The following ZMAT4 variants were observed in gnomAD, a reference collection of about 807,000 sequenced individuals.
ZMAT4 encodes the protein zinc finger matrin-type 4, also known as zinc finger matrin-type protein 4.
In ZMAT4, 17 loss-of-function variants were observed where a neutral mutation model predicts 28.7. The observed-to-expected ratio is 0.59, with a 90% CI of 0.41 to 0.89. The LOEUF is 0.89. Ranked by LOEUF, ZMAT4 falls within the 40% of genes least tolerant of loss-of-function variation. The pLI, the probability that ZMAT4 is intolerant of heterozygous loss-of-function variation, is 0.00. For missense variants in ZMAT4, 240 were observed against 283.8 expected (o/e 0.85, Z 1.11); for synonymous variants, 117 against 109.2 (o/e 1.07, Z -0.44).
intron 3 of ZMAT4, among the ~76,000 whole-genome samples, chr8:40,752,691 G>T (rs1057130543): frequency 1.3e-5 from 2 of 151,928 alleles, no homozygotes; most frequent in Admixed American, 6.6e-5. Context: ...ACCTACTCAG[G>T]TATCCTCCAA....
intron 4 of ZMAT4, among the ~76,000 whole-genome samples, chr8:40,691,611 A>T (rs538780161): frequency 6.6e-6 from 1 of 152,316 alleles, no homozygotes; most frequent in South Asian, 2.1e-4. Context: ...ATTCATAAAT[A>T]CAGAATCCTC....
intron 1 of ZMAT4, chr8:40,884,777 C>G (rs1818400291): frequency 6.6e-6 from 1 of 152,268 alleles, no homozygotes; most frequent in Admixed American, 6.5e-5. Flanking sequence ...CCAAGGTCAG[C>G]AAACCTATGG....
Position 40,881,491 on chromosome 8 carries a change from GAAAGAAA to G in ZMAT4, c.-5+16185_-5+16191del, listed in dbSNP as rs1563263548. The stretch of plus-strand genomic sequence containing the variant: ...AGAAAGAAAGAAAGAAAGAAAGAAA[GAAAGAAA>G]GAGGAAGGAAGGAAGGGGAGAGAGA... On this transcript the variant is annotated intron_variant, in intron 1 of 6. Coordinates refer to ENST00000297737, the MANE Select transcript of ZMAT4 (RefSeq NM_024645.3). 1.4e-4 allele frequency among the ~76,000 whole-genome samples: 19 copies of G among 131,628 alleles called. 1 individual carries two copies. The highest frequency in any genetic ancestry group is 5.5e-4 in the African/African-American group (19 of 34,668). 86.4% of individuals were successfully genotyped at this position (131,628 alleles called of 152,430 possible).
intron 3 of ZMAT4, among the ~76,000 whole-genome samples, chr8:40,732,590 CA>C (rs1811586762): frequency 6.6e-6 from 1 of 152,200 alleles, no homozygotes; most frequent in Admixed American, 6.5e-5. Flanking sequence ...CAAGATGCCA[CA>C]GGGGCAGAGG....
intron 1 of ZMAT4, among the ~76,000 whole-genome samples, chr8:40,847,266 T>G (rs1342613542): frequency 2.0e-5 from 3 of 150,936 alleles, no homozygotes; most frequent in Admixed American, 6.6e-5. Flanking sequence ...GAAAATAGCC[T>G]CTGTAAGTTT....
At chr8:40,762,450 T>A (rs554247065) in intron 3 of ZMAT4, among the ~76,000 whole-genome samples, 1 of 151,138 alleles carries the variant, frequency 6.6e-6, no homozygotes, top group Admixed American at 6.6e-5. Context: ...AAGCCAGGAG[T>A]TCAAGACCAA....
intron 2 of ZMAT4, among the ~76,000 whole-genome samples, chr8:40,773,759 T>A (rs1813481977): frequency 1.3e-5 from 2 of 152,196 alleles, no homozygotes. Context: ...ATCTTGAAGG[T>A]CTTTCACTTT....
chr8:40,635,480 A>G (rs1048914163), intron 5 of ZMAT4, among the ~76,000 whole-genome samples: 11 of 152,270 alleles, frequency 7.2e-5, no homozygotes, highest in African/African-American at 2.2e-4. Context: ...ATACGCAGAT[A>G]CACTCTCACA....
intron 5 of ZMAT4, among the ~76,000 whole-genome samples, chr8:40,588,225 G>C (rs1283392626): frequency 6.6e-6 from 1 of 151,794 alleles, no homozygotes; most frequent in African/African-American, 2.4e-5. Flanking sequence ...ATTAGAACAG[G>C]CACAGATTTC....
Position 40,604,645 on chromosome 8 carries a change from C to T in ZMAT4, c.578-23384G>A, listed in dbSNP as rs151317283. ...GCTGGTATTTTTTTGAGGATTTTTGCATCTATTTTCAACAGAGATATTAAT... is the reference window on the plus strand; with the variant it reads ...GCTGGTATTTTTTTGAGGATTTTTGTATCTATTTTCAACAGAGATATTAAT... On this transcript the variant is annotated intron_variant, in intron 5 of 6. Transcript: ENST00000297737. Among the ~76,000 whole-genome samples, 1,319 of 152,174 alleles carry T rather than the reference C, an allele frequency of 8.7e-3. 17 individuals carry two copies. The highest frequency in any genetic ancestry group is 0.03 in the African/African-American group (1,245 of 41,514).
intron 1 of ZMAT4, among the ~76,000 whole-genome samples, chr8:40,839,864 G>A (rs77209031): frequency 3.2e-4 from 49 of 152,328 alleles, no homozygotes; most frequent in African/African-American, 1.2e-3. Context: ...TAACCTAAAA[G>A]CTCTGATGTT....
chr8:40,679,039 T>C (rs1809030819), intron 4 of ZMAT4, among the ~76,000 whole-genome samples: 1 of 152,178 alleles, frequency 6.6e-6, no homozygotes, highest in African/African-American at 2.4e-5. Flanking sequence ...AGATCATGGA[T>C]CTATGGTTGA....
chr8:40,830,108 T>C (rs907630337), intron 1 of ZMAT4, among the ~76,000 whole-genome samples: 4 of 152,142 alleles, frequency 2.6e-5, no homozygotes, highest in Non-Finnish European at 5.9e-5. Context: ...TTTCTGCTTC[T>C]CAAGAACAGA....
intron 5 of ZMAT4, among the ~76,000 whole-genome samples, chr8:40,626,473 A>G (rs1424344097): frequency 6.6e-6 from 1 of 152,200 alleles, no homozygotes; most frequent in African/African-American, 2.4e-5. Context: ...ATTCCTGAAC[A>G]TATAAAACTC....
At chr8:40,676,817 C>A (rs780340846) in intron 4 of ZMAT4, among the ~76,000 whole-genome samples, 1 of 152,094 alleles carries the variant, frequency 6.6e-6, no homozygotes, top group Non-Finnish European at 1.5e-5. Context: ...GTCATGTTAT[C>A]ACCATGTAGA....
At chr8:40,755,828 A>C (rs2150550653) in intron 3 of ZMAT4, among the ~76,000 whole-genome samples, 1 of 152,304 alleles carries the variant, frequency 6.6e-6, no homozygotes, top group South Asian at 2.1e-4. Context: ...AAAATTTTTA[A>C]AATAATTCCT....
chr8:40,564,941 T>A lies in ZMAT4; in HGVS notation c.674+16224A>T, dbSNP rs191164518. 2.6e-5 allele frequency among the ~76,000 whole-genome samples: 4 copies of A among 152,308 alleles called. No homozygotes were observed. The East Asian group carries it at 7.7e-4, about 29-fold the overall frequency. ...ATCTGCTTTAGAACATTAAAGCAGT[T>A]CTTGTTAACAAAATCTGACATCCAG... On this transcript the variant is annotated intron_variant, in intron 6 of 6. Transcript: ENST00000297737.
intron 1 of ZMAT4, among the ~76,000 whole-genome samples, chr8:40,841,002 C>T (rs1816681097): frequency 6.6e-6 from 1 of 152,208 alleles, no homozygotes; most frequent in Non-Finnish European, 1.5e-5. Flanking sequence ...GGCTAATTTT[C>T]TGTGGAGCCC....
intron 3 of ZMAT4, among the ~76,000 whole-genome samples, chr8:40,702,655 G>A (rs1331750971): frequency 6.6e-6 from 1 of 152,066 alleles, no homozygotes; most frequent in East Asian, 1.9e-4. Context: ...TTTGCTTTAG[G>A]TGAAGGTAGA....
Sources: allele counts gnomAD v4.1 joint callset (sites outside exome capture counted in the v4.1 genomes callset), GRCh38; gene constraint gnomAD v4.1.1; transcripts MANE v1.5; gene names NCBI Gene and HGNC (gene_info 2026-07-23, HGNC 2026-07-21).